The following PLS3 variants were observed in gnomAD, a reference collection of about 807,000 sequenced individuals.
PLS3 encodes plastin 3.
PLS3 carries 11 observed loss-of-function variants against 46.5 expected under a neutral mutation model. The observed-to-expected ratio is 0.24, with a 90% CI of 0.15 to 0.39. PLS3 has a LOEUF of 0.39. PLS3 is among the 10% of genes least tolerant of loss of function. The pLI, the probability that PLS3 is intolerant of heterozygous loss-of-function variation, is 1.00. For synonymous variants in PLS3, 167 were observed against 162.2 expected (o/e 1.03, Z -0.22); for missense variants, 308 against 461.8 (o/e 0.67, Z 3.05).
chrX:115,602,415 C>T (rs1556634745), intron 1 of PLS3, among the ~76,000 whole-genome samples: 2 of 111,727 alleles, frequency 1.8e-5, no homozygotes, highest in African/African-American at 6.5e-5. Flanking sequence ...CTTTAGTAAT[C>T]ATAGTATGAA....
At chrX:115,643,956 A>G (rs1556641374) in intron 10 of PLS3, among the ~76,000 whole-genome samples, 1 of 111,844 alleles carries the variant, frequency 8.9e-6, no homozygotes, top group East Asian at 2.8e-4. Flanking sequence ...TGGGCAACAG[A>G]GTAAGACTCC....
At chrX:115,620,653 G>A (rs1326775611) in intron 2 of PLS3, among the ~76,000 whole-genome samples, 1 of 108,541 alleles carries the variant, frequency 9.2e-6, no homozygotes, top group African/African-American at 3.3e-5. Context: ...GTCCCCTGGG[G>A]GCAAGATAGC....
At chrX:115,571,706 C>T (rs2074217750) in intron 1 of PLS3, among the ~76,000 whole-genome samples, 1 of 110,972 alleles carries the variant, frequency 9.0e-6, no homozygotes, top group Non-Finnish European at 1.9e-5. Context: ...AGTGTTGATA[C>T]CTGACTTGTG....
intron 2 of PLS3, among the ~76,000 whole-genome samples, chrX:115,616,119 G>A (rs116513093): frequency 0.038 from 4,236 of 111,734 alleles, 202 homozygotes; most frequent in African/African-American, 0.13. Context: ...TTATTATTAA[G>A]TTCTCATGTT....
At chrX:115,637,363 T>C (rs782034394) in intron 8 of PLS3, among the ~76,000 whole-genome samples, 1 of 111,095 alleles carries the variant, frequency 9.0e-6, no homozygotes, top group Non-Finnish European at 1.9e-5. Flanking sequence ...TTCACCTTTT[T>C]TATTTGGCTT....
intron 1 of PLS3, among the ~76,000 whole-genome samples, chrX:115,572,366 A>G (rs1245785715): frequency 9.0e-6 from 1 of 111,633 alleles, no homozygotes; most frequent in Non-Finnish European, 1.9e-5. Flanking sequence ...TTAAAAAAGC[A>G]AACTAGAATA....
intron 1 of PLS3, among the ~76,000 whole-genome samples, chrX:115,600,868 G>A (rs1463656376): frequency 9.0e-6 from 1 of 111,205 alleles, no homozygotes; most frequent in Non-Finnish European, 1.9e-5. Context: ...CTTGAAGGGT[G>A]AGTAGAATTT....
chrX:115,641,225 CTTTTTTTTTT>C (rs35431475), intron 9 of PLS3, among the ~76,000 whole-genome samples: 1 of 82,420 alleles, frequency 1.2e-5, no homozygotes, highest in Non-Finnish European at 2.3e-5. Context: ...TCTTCTCTTT[CTTTTTTTTTT>C]TTTTTTTTTT....
intron 5 of PLS3, 71 bp downstream of exon 5, chrX:115,630,038 T>C: frequency 1.3e-6 from 1 of 786,725 alleles, no homozygotes; most frequent in South Asian, 3.1e-5. Context: ...TATTTGTTTC[T>C]GCATGCTTGA....
At chrX:115,610,401 T>A (rs886625279) in intron 2 of PLS3, 78 bp downstream of exon 2, 3 of 490,676 alleles carry the variant, frequency 6.1e-6, no homozygotes, top group African/African-American at 4.9e-5. Context: ...AAATATCACA[T>A]GAATGGTTAA....
chrX:115,643,279 C>T (rs782712925), intron 9 of PLS3, 34 bp from the exon 10 acceptor site: 3 of 972,428 alleles, frequency 3.1e-6, no homozygotes, highest in Admixed American at 2.3e-5. Context: ...TTTAGTGTGG[C>T]CTTTGACAAA....
intron 1 of PLS3, among the ~76,000 whole-genome samples, chrX:115,600,610 T>C (rs1442650615): frequency 3.6e-5 from 4 of 112,671 alleles, no homozygotes; most frequent in Admixed American, 9.4e-5. Context: ...AAGAAGATTG[T>C]TCTCTTTGAC....
intron 1 of PLS3, among the ~76,000 whole-genome samples, chrX:115,596,088 T>C (rs909934127): frequency 8.9e-5 from 10 of 112,227 alleles, no homozygotes; most frequent in African/African-American, 3.2e-4. Context: ...TTCAGCTAAA[T>C]TCAAAGGACA....
At chrX:115,635,172 T>C (rs2074818115) in intron 7 of PLS3, 126 bp downstream of exon 7, 1 of 535,488 alleles carries the variant, frequency 1.9e-6, no homozygotes, top group South Asian at 3.8e-5. Flanking sequence ...AAGGTAATGC[T>C]ATAGAGTTAT....
At chrX:115,641,554 A>T (rs1556641007) in intron 9 of PLS3, among the ~76,000 whole-genome samples, 1 of 110,457 alleles carries the variant, frequency 9.1e-6, no homozygotes, top group Non-Finnish European at 1.9e-5. Context: ...TGCTGCCCTT[A>T]TCAGAACTGA....
rs186711995 is a variant in PLS3, at chrX:115,580,422, G to A, written c.-9+19162G>A. Among the ~76,000 whole-genome samples the A allele has an allele frequency of 4.5e-3, 510 of 112,465 alleles. 4 individuals are homozygous for A. The highest frequency in any genetic ancestry group is 0.015 in the African/African-American group (469 of 31,002). On this transcript the variant is annotated intron_variant, in intron 1 of 15. Coordinates refer to ENST00000355899, the MANE Select transcript of PLS3 (RefSeq NM_005032.7). ...TTATTTTTTGTTTTGGACTGTGTTT[G>A]TCCTCGTCTACTGACATGGTTTTTT... is the stretch of plus-strand genomic sequence containing the variant.
At chrX:115,563,312 A>G (rs2147404535) in intron 1 of PLS3, among the ~76,000 whole-genome samples, 1 of 111,989 alleles carries the variant, frequency 8.9e-6, no homozygotes, top group South Asian at 3.8e-4. Context: ...ATGCACAAAA[A>G]CAGTGGATAG....
intron 3 of PLS3, among the ~76,000 whole-genome samples, chrX:115,625,808 C>T (rs1556638393): frequency 1.8e-5 from 2 of 111,482 alleles, no homozygotes; most frequent in African/African-American, 6.5e-5. Context: ...TTTGGCCACT[C>T]GTCCTGTGTT....
chrX:115,592,326 T>C (rs782816136), intron 1 of PLS3, among the ~76,000 whole-genome samples: 1 of 111,858 alleles, frequency 8.9e-6, no homozygotes, highest in South Asian at 3.8e-4. Context: ...TACATATTTA[T>C]ATCTTCCCAT....
Sources: gnomAD v4.1 joint callset for allele counts (sites outside exome capture counted in the v4.1 genomes callset) on GRCh38, gnomAD v4.1.1 for gene constraint, MANE v1.5 for transcripts, NCBI Gene and HGNC (gene_info 2026-07-23, HGNC 2026-07-21) for gene names.